Variants in PALLD observed in about 807,000 individuals in gnomAD.
The protein encoded by PALLD is palladin, cytoskeletal associated protein.
PALLD carries 61 observed loss-of-function variants against 123.5 expected under a neutral mutation model. The ratio of observed to expected loss-of-function variants is 0.49; its 90% CI spans 0.40 to 0.61. PALLD has a LOEUF of 0.61. Among genes scored for constraint, PALLD ranks in the 20% least tolerant of loss-of-function variants. The probability of loss-of-function intolerance (pLI) is 0.00; values close to 1 mark genes in which losing one functional copy is unlikely to be tolerated. For missense variants in PALLD, 1,273 were observed against 1,377.0 expected, an observed-to-expected ratio of 0.92 and a Z score of 1.20; for synonymous variants, 465 against 496.4, an observed-to-expected ratio of 0.94 and a Z score of 0.84.
At chr4:168,570,295 G>C (rs1768844570) in intron 2 of PALLD, among the ~76,000 whole-genome samples, 1 of 152,034 alleles carries the variant, frequency 6.6e-6, no homozygotes, top group African/African-American at 2.4e-5. Context: ...TTTGTTTTTA[G>C]CCCAGAAGAA....
At chr4:168,876,325 C>A (rs1168710676) in intron 10 of PALLD, among the ~76,000 whole-genome samples, 1 of 152,168 alleles carries the variant, frequency 6.6e-6, no homozygotes, top group Non-Finnish European at 1.5e-5. Context: ...GACAGTCTAC[C>A]CAAACCACAC....
At chr4:168,702,538 G>A (rs1195260104) in intron 8 of PALLD, among the ~76,000 whole-genome samples, 1 of 152,094 alleles carries the variant, frequency 6.6e-6, no homozygotes, top group East Asian at 1.9e-4. Flanking sequence ...TGGGCGACAA[G>A]TGAAACTCCA....
intron 10 of PALLD, among the ~76,000 whole-genome samples, chr4:168,732,008 A>G (rs1242166764): frequency 2.0e-5 from 3 of 152,244 alleles, no homozygotes; most frequent in Non-Finnish European, 4.4e-5. Context: ...AAGGCTGAAA[A>G]TTAATACTTA....
At chr4:168,907,866 G>A (rs1030130258) in intron 15 of PALLD, among the ~76,000 whole-genome samples, 1 of 152,006 alleles carries the variant, frequency 6.6e-6, no homozygotes, top group Non-Finnish European at 1.5e-5. Context: ...AAAGAACCCA[G>A]AGCATCACAG....
chr4:168,534,929 G>A (rs1006952763), intron 2 of PALLD, among the ~76,000 whole-genome samples: 1 of 152,062 alleles, frequency 6.6e-6, no homozygotes, highest in African/African-American at 2.4e-5. Context: ...ATCTGCATCT[G>A]TGGATTCAAC....
intron 10 of PALLD, among the ~76,000 whole-genome samples, chr4:168,888,755 CCT>C (rs372794260): frequency 2.5e-3 from 387 of 152,218 alleles, no homozygotes; most frequent in African/African-American, 8.7e-3. Flanking sequence ...TTAATTACCC[CCT>C]GAGTCTGGGG....
At chr4:168,799,063 T>C (rs1738926500) in intron 10 of PALLD, among the ~76,000 whole-genome samples, 1 of 152,036 alleles carries the variant, frequency 6.6e-6, no homozygotes, top group South Asian at 2.1e-4. Context: ...ATAATAATAA[T>C]AAAGTGACGT....
Position 168,575,811 on chromosome 4 carries a change from T to C in PALLD, c.908+63399T>C, listed in dbSNP as rs1369663746. ...AAGTTTCCAAGTTATGCCACTGCTA[T>C]TGGCCTGGGGACCACTGTTGAAAAG... On this transcript the variant is annotated intron_variant, in intron 2 of 21. Coordinates refer to ENST00000505667, the MANE Select transcript of PALLD (RefSeq NM_001166108.2). Among the ~76,000 whole-genome samples the C allele has an allele frequency of 2.0e-5, 3 of 152,200 alleles. 1 individual carries two copies. In the East Asian group the frequency reaches 5.8e-4, roughly 29 times the overall value.
intron 10 of PALLD, among the ~76,000 whole-genome samples, chr4:168,834,914 C>T (rs1045072099): frequency 1.3e-5 from 2 of 152,068 alleles, no homozygotes; most frequent in Non-Finnish European, 2.9e-5. Context: ...TACAGTAAAC[C>T]TTTGACTCTG....
intron 2 of PALLD, among the ~76,000 whole-genome samples, chr4:168,634,447 G>A (rs1444000909): frequency 6.6e-6 from 1 of 152,230 alleles, no homozygotes; most frequent in Non-Finnish European, 1.5e-5. Flanking sequence ...GCTGTTCTTC[G>A]ACTTTATCTG....
chr4:168,671,839 A>G (rs952723312), intron 3 of PALLD, among the ~76,000 whole-genome samples: 2 of 152,212 alleles, frequency 1.3e-5, no homozygotes, highest in African/African-American at 2.4e-5. Context: ...TGTCGTTGGC[A>G]GCCTATCTAT....
At chr4:168,528,334 G>A (rs1405811902) in intron 2 of PALLD, among the ~76,000 whole-genome samples, 1 of 152,160 alleles carries the variant, frequency 6.6e-6, no homozygotes, top group East Asian at 1.9e-4. Flanking sequence ...TTTGCTTTTA[G>A]ACTTAAGTAA....
intron 2 of PALLD, among the ~76,000 whole-genome samples, chr4:168,613,705 C>A (rs796068724): frequency 1.4e-4 from 21 of 152,312 alleles, no homozygotes; most frequent in African/African-American, 5.1e-4. Flanking sequence ...AAATAATGAA[C>A]CTCTGGGATT....
chr4:168,900,769 A>G (rs957978920), intron 14 of PALLD, among the ~76,000 whole-genome samples: 5 of 152,356 alleles, frequency 3.3e-5, no homozygotes, highest in Admixed American at 2.6e-4. Flanking sequence ...TATTCTTGGC[A>G]TAATCTGCAT....
At chr4:168,904,001 GT>G (rs768393187) in intron 15 of PALLD, 95 bp downstream of exon 15, 3 of 1,228,026 alleles carry the variant, frequency 2.4e-6, no homozygotes, top group Non-Finnish European at 3.6e-6. Flanking sequence ...AAGTTAAGAA[GT>G]TTCTTTGATT....
intron 2 of PALLD, among the ~76,000 whole-genome samples, chr4:168,569,134 T>G (rs1265559714): frequency 6.6e-6 from 1 of 152,122 alleles, no homozygotes. Context: ...CCTGCCTTGG[T>G]GAGCATCTTA....
rs1754703207 is a variant in PALLD at position 168,894,513 on chromosome 4, TCATAGGGCAGTA to T, written c.2101-61_2101-50del. On this transcript the variant is annotated intron_variant, in intron 11 of 21. Coordinates refer to ENST00000505667, the MANE Select transcript of PALLD (RefSeq NM_001166108.2). The stretch of plus-strand genomic sequence containing the variant: ...AAAGTGTGTTGTTTTTTACTCTTTT[TCATAGGGCAGTA>T]CATATTTGTGATTTTTTTCTAATTT... 1.4e-5 allele frequency: 14 copies of T among 965,690 alleles called. No individual in the cohort carries two copies. The East Asian group carries it at 3.6e-4, about 25-fold the overall frequency. 59.8% of individuals were successfully genotyped at this position (965,690 alleles called of 1,614,324 possible). A position where few individuals can be genotyped will look rare whatever the true frequency, so the allele number is the denominator to read the frequency against.
At chr4:168,812,103 GT>G (rs1309880701) in intron 10 of PALLD, among the ~76,000 whole-genome samples, 1 of 152,108 alleles carries the variant, frequency 6.6e-6, no homozygotes, top group Non-Finnish European at 1.5e-5. Flanking sequence ...GGTGAGAGTG[GT>G]TATGATGACT....
chr4:168,867,843 T>C (rs1750518315), intron 10 of PALLD, among the ~76,000 whole-genome samples: 2 of 152,012 alleles, frequency 1.3e-5, no homozygotes, highest in Admixed American at 6.6e-5. Context: ...ATTGGACTTG[T>C]TGGTTTCCAA....
Sources: gnomAD v4.1 joint callset for allele counts (sites outside exome capture counted in the v4.1 genomes callset) on GRCh38, gnomAD v4.1.1 for gene constraint, MANE v1.5 for transcripts, NCBI Gene and HGNC (gene_info 2026-07-23, HGNC 2026-07-21) for gene names.